FA2H: variants seen among roughly 807,000 people sequenced by gnomAD.
FA2H encodes the protein fatty acid 2-hydroxylase.
A neutral mutation model predicts 44.9 loss-of-function variants in FA2H; 22 were observed. The ratio of observed to expected loss-of-function variants is 0.49; its 90% confidence interval spans 0.35 to 0.70. The LOEUF is 0.70. Among genes scored for constraint, FA2H ranks in the 30% least tolerant of loss-of-function variants. The pLI is 0.01. For synonymous variants in FA2H, 243 were observed against 213.2 expected (o/e 1.14, Z -1.22); for missense variants, 501 against 504.9 (o/e 0.99, Z 0.07).
intron 2 of FA2H, among the ~76,000 whole-genome samples, chr16:74,729,559 G>C (rs564559943): frequency 6.6e-6 from 1 of 152,352 alleles, no homozygotes; most frequent in Non-Finnish European, 1.5e-5. Context: ...AGTGTGTGCA[G>C]AAAGTTTCAC....
intron 2 of FA2H, among the ~76,000 whole-genome samples, chr16:74,734,963 C>A (rs550068909): frequency 6.6e-6 from 1 of 152,276 alleles, no homozygotes; most frequent in Admixed American, 6.5e-5. Flanking sequence ...TCCAGGCAGC[C>A]GGGGCTGCGG....
rs770609938 is a variant in FA2H at position 74,716,380 on chromosome 16, G to T, written c.1006C>A (p.His336Asn). 1 of 1,614,016 alleles carries T rather than the reference G, an allele frequency of 6.2e-7. No homozygotes were observed. The highest frequency in any genetic ancestry group is 2.2e-5 in the East Asian group (1 of 44,850). The part of the protein sequence containing the change: ...GSYLYSLKAH[H>N]VKHHFAHQKS... ...TGATGTGCAAAGTGGTGCTTGACGTGGTGGGCCTTCAGGCTGTACAGGTAG... is the reference window on the plus strand; with the variant it reads ...TGATGTGCAAAGTGGTGCTTGACGTTGTGGGCCTTCAGGCTGTACAGGTAG... The change falls in exon 6 of 7, where the codon CAC becomes AAC. Residue 336 changes from histidine (H) to asparagine (N), a missense_variant. By Grantham distance (68) the His-to-Asn change is moderately conservative (BLOSUM62 1). Transcript: ENST00000219368.
At chr16:74,761,204 C>A (rs1962701674) in intron 1 of FA2H, among the ~76,000 whole-genome samples, 1 of 152,154 alleles carries the variant, frequency 6.6e-6, no homozygotes. Context: ...GTAATCCCAG[C>A]ACTTTGGGAA....
chr16:74,752,729 A>C (rs1962549473), intron 1 of FA2H, among the ~76,000 whole-genome samples: 2 of 152,072 alleles, frequency 1.3e-5, no homozygotes, highest in South Asian at 4.1e-4. Context: ...GATGGTGGGG[A>C]GCAGGAGGCA....
At chr16:74,748,664 C>T (rs1303643289) in intron 1 of FA2H, among the ~76,000 whole-genome samples, 2 of 152,114 alleles carry the variant, frequency 1.3e-5, no homozygotes, top group Admixed American at 6.5e-5. Flanking sequence ...GCTTGGACGG[C>T]GCACGGGGGA....
chr16:74,719,922 C>A (rs911950835), intron 4 of FA2H, among the ~76,000 whole-genome samples: 2 of 151,874 alleles, frequency 1.3e-5, no homozygotes, highest in African/African-American at 4.8e-5. Context: ...CAAGAAAAAA[C>A]AAGCACCGAG....
chr16:74,753,378 T>C (rs527585292), intron 1 of FA2H, among the ~76,000 whole-genome samples: 1 of 152,330 alleles, frequency 6.6e-6, no homozygotes, highest in African/African-American at 2.4e-5. Flanking sequence ...AGCTTGAGGA[T>C]GTGGCTTCTT....
chr16:74,739,214 C>T (rs949704629), intron 2 of FA2H, among the ~76,000 whole-genome samples: 1 of 152,170 alleles, frequency 6.6e-6, no homozygotes, highest in Non-Finnish European at 1.5e-5. Flanking sequence ...CAGGGAGGGG[C>T]CTGTCCCATT....
chr16:74,718,928 G>C, intron 5 of FA2H, 60 bp downstream of exon 5: 2 of 1,591,548 alleles, frequency 1.3e-6, no homozygotes, highest in Non-Finnish European at 1.7e-6. Context: ...GCTGCGGCTG[G>C]CTGCCGGGCC....
rs141759598 is a variant in FA2H at position 74,772,146 on chromosome 16, C to T, written c.270+2340G>A. ...GGCCCCGGCCGACTTTTGGCCTCCC[C>T]CCACATCCCTGTCTTTGCCCATCAG... is the stretch of plus-strand genomic sequence containing the variant. On this transcript the variant is annotated intron_variant, in intron 1 of 6. Coordinates refer to ENST00000219368, the MANE Select transcript of FA2H (RefSeq NM_024306.5). Among the ~76,000 whole-genome samples the T allele has an allele frequency of 6.6e-4, 100 of 152,288 alleles. No individual in the cohort carries two copies. The East Asian group carries it at 0.018, about 27-fold the overall frequency.
chr16:74,768,377 G>A (rs2144666187), intron 1 of FA2H, among the ~76,000 whole-genome samples: 1 of 152,190 alleles, frequency 6.6e-6, no homozygotes, highest in East Asian at 1.9e-4. Context: ...CCTGGGCCCT[G>A]GATGCCCCAC....
At chr16:74,747,796 AG>A (rs1319202875) in intron 1 of FA2H, among the ~76,000 whole-genome samples, 1 of 152,152 alleles carries the variant, frequency 6.6e-6, no homozygotes, top group Non-Finnish European at 1.5e-5. Context: ...CAGAGCTGCG[AG>A]ACAATACATT....
chr16:74,717,922 C>G (rs1222829406), intron 5 of FA2H, among the ~76,000 whole-genome samples: 2 of 152,222 alleles, frequency 1.3e-5, no homozygotes, highest in Non-Finnish European at 2.9e-5. Context: ...ATGCAGTGAG[C>G]TCTGCAGAGC....
At chr16:74,746,450 C>T (rs571187515) in intron 1 of FA2H, among the ~76,000 whole-genome samples, 89 of 151,720 alleles carry the variant, frequency 5.9e-4, no homozygotes, top group African/African-American at 2.1e-3. Flanking sequence ...CCTCGAAATC[C>T]TGGCCTCAGG....
chr16:74,772,595 C>T (rs1284054321), intron 1 of FA2H, among the ~76,000 whole-genome samples: 2 of 152,196 alleles, frequency 1.3e-5, no homozygotes, highest in African/African-American at 4.8e-5. Flanking sequence ...CCACCTGAAA[C>T]AGTGGGTGCT....
chr16:74,714,105 C>A lies in FA2H; in HGVS notation c.*85G>T. 1 of 870,386 alleles carries A rather than the reference C, an allele frequency of 1.1e-6. No individual in the cohort carries two copies. The highest frequency in any genetic ancestry group is 1.9e-6 in the Non-Finnish European group (1 of 536,036). 53.9% of individuals were successfully genotyped at this position (870,386 alleles called of 1,614,324 possible). ...AGCCCATCCTGCCTGGCCAAGCCAA[C>A]CTTCTTAATGGGGTCTGAATGGCGG... On this transcript the variant is annotated 3_prime_UTR_variant, in exon 7 of 7. Transcript: ENST00000219368.
intron 2 of FA2H, 52 bp downstream of exon 2, chr16:74,739,971 C>T: frequency 7.3e-7 from 1 of 1,377,684 alleles, no homozygotes; most frequent in Non-Finnish European, 1.0e-6. Flanking sequence ...TCTTCCTCTC[C>T]TCATTCCCGC....
At position 74,716,467 on chromosome 16, in the gene FA2H, C is replaced by T; in HGVS notation, c.919G>A (p.Gly307Ser). Residue 307 changes from glycine (G) to serine (S), a missense_variant, in exon 6 of 7, where the codon GGC becomes AGC. Transcript: ENST00000219368. ...TGGGTCATGTCATAGAGGACGTAGC[C>T]CAGGAGGCCCCCCGCAAACACAGTG... ...GGTVFAGGLL[G>S]YVLYDMTHYY... 6.2e-7 allele frequency: 1 copy of T among 1,613,850 alleles called. No individual in the cohort carries two copies. Among genetic ancestry groups the T allele is most frequent in the East Asian group, 2.2e-5 (1 of 44,792 alleles).
intron 1 of FA2H, among the ~76,000 whole-genome samples, chr16:74,760,907 G>A (rs1187533236): frequency 6.6e-6 from 1 of 152,126 alleles, no homozygotes; most frequent in Non-Finnish European, 1.5e-5. Flanking sequence ...TGAAATACAG[G>A]TTCCTACATC....
Sources: allele counts gnomAD v4.1 joint callset (sites outside exome capture counted in the v4.1 genomes callset), GRCh38; gene constraint gnomAD v4.1.1; transcripts MANE v1.5; gene names NCBI Gene and HGNC (gene_info 2026-07-23, HGNC 2026-07-21).